The following ST3GAL2 variants were observed in gnomAD, a reference collection of about 807,000 sequenced individuals.
The protein encoded by ST3GAL2 is CMP-N-acetylneuraminate-beta-galactosamide-alpha-2,3-sialyltransferase 2.
A neutral mutation model predicts 37.5 loss-of-function variants in ST3GAL2; 16 were observed. The observed-to-expected ratio is 0.43, with a 90% CI of 0.29 to 0.65. The LOEUF is 0.65. Among genes scored for constraint, ST3GAL2 ranks in the 30% least tolerant of loss-of-function variants. The pLI is 0.17. For missense variants in ST3GAL2, 383 were observed against 487.8 expected (o/e 0.79, Z 2.02); for synonymous variants, 238 against 202.9 (o/e 1.17, Z -1.47).
intron 1 of ST3GAL2, among the ~76,000 whole-genome samples, chr16:70,407,161 T>A (rs898004139): frequency 4.6e-5 from 7 of 151,378 alleles, no homozygotes; most frequent in Non-Finnish European, 7.4e-5. Context: ...TTTTTTTTTT[T>A]ATGGAGTCTC....
chr16:70,389,569 A>G (rs966930994), intron 3 of ST3GAL2, among the ~76,000 whole-genome samples: 1 of 151,828 alleles, frequency 6.6e-6, no homozygotes, highest in Non-Finnish European at 1.5e-5. Flanking sequence ...GGTTCAAGGG[A>G]TTCTCCTGCC....
intron 1 of ST3GAL2, among the ~76,000 whole-genome samples, chr16:70,417,491 C>G (rs932039107): frequency 6.6e-6 from 1 of 152,274 alleles, no homozygotes; most frequent in African/African-American, 2.4e-5. Context: ...CCCCAGCCCC[C>G]ACTTTAGCAC....
intron 4 of ST3GAL2, among the ~76,000 whole-genome samples, chr16:70,384,182 T>C (rs572576320): frequency 1.3e-5 from 2 of 152,266 alleles, no homozygotes; most frequent in South Asian, 4.1e-4. Context: ...ATAAAATACA[T>C]GGTGATGATA....
chr16:70,394,245 C>T (rs955077399), intron 3 of ST3GAL2, among the ~76,000 whole-genome samples: 1 of 152,192 alleles, frequency 6.6e-6, no homozygotes, highest in Non-Finnish European at 1.5e-5. Context: ...CCTTTCAGCA[C>T]CCACAACATC....
chr16:70,387,560 AAAAT>A (rs1567666012), intron 4 of ST3GAL2, among the ~76,000 whole-genome samples: 1 of 152,186 alleles, frequency 6.6e-6, no homozygotes, highest in Non-Finnish European at 1.5e-5. Context: ...ATCTCAAAAA[AAAAT>A]AAAATTAAAA....
chr16:70,417,447 G>A (rs778742590), intron 1 of ST3GAL2, among the ~76,000 whole-genome samples: 35 of 152,160 alleles, frequency 2.3e-4, no homozygotes, highest in Admixed American at 7.9e-4. Context: ...AGGACGGTGC[G>A]CGTCCATCCT....
rs1475890363 is a variant in ST3GAL2 at position 70,380,280 on chromosome 16, C to T, written c.*1409G>A. ...CCCCTAACAAAGTCCCCTGCCGGTC[C>T]CTGTTCCCTCAGCCAGCTGCAGGAA... On this transcript the variant is annotated 3_prime_UTR_variant, in exon 7 of 7. Transcript: ENST00000342907. The T allele has an allele frequency of 6.6e-6, 1 of 152,280 alleles. No individual in the cohort carries two copies. Among genetic ancestry groups the T allele is most frequent in the East Asian group, 1.9e-4 (1 of 5,198 alleles). The allele number at this position is 152,280 out of a possible 1,614,324, so 9.4% of individuals were successfully genotyped here. A position where few individuals can be genotyped will look rare whatever the true frequency, so the allele number is the denominator to read the frequency against.
intron 4 of ST3GAL2, 29 bp from the exon 5 acceptor site, chr16:70,383,264 T>C (rs2047418677): frequency 1.9e-6 from 3 of 1,593,274 alleles, no homozygotes; most frequent in African/African-American, 2.7e-5. Flanking sequence ...AAAGATAACA[T>C]TTCAGGCTGG....
rs1322968669 is a variant in ST3GAL2 at position 70,381,578 on chromosome 16, G to A, written c.*111C>T. On this transcript the variant is annotated 3_prime_UTR_variant, in exon 7 of 7. Transcript: ENST00000342907. The stretch of plus-strand genomic sequence containing the variant: ...CCAGTCTCGTGATTGGCGGGGCACA[G>A]CAGACGCCCCTGGGCTGCAGCATGA... 8.3e-6 allele frequency: 11 copies of A among 1,331,472 alleles called. No homozygotes were observed. Among genetic ancestry groups the A allele is most frequent in the Admixed American group, 4.9e-5 (2 of 40,546 alleles). 82.5% of individuals were successfully genotyped at this position (1,331,472 alleles called of 1,614,324 possible). A position where few individuals can be genotyped will look rare whatever the true frequency, so the allele number is the denominator to read the frequency against.
chr16:70,413,168 T>G (rs2047650865), intron 1 of ST3GAL2, among the ~76,000 whole-genome samples: 1 of 151,912 alleles, frequency 6.6e-6, no homozygotes, highest in African/African-American at 2.4e-5. Flanking sequence ...GAGACTCACT[T>G]GAACCTGGAA....
rs59060353 is a variant in ST3GAL2 at position 70,408,890 on chromosome 16, C to CAAAAAAAAAAAAAAAAA, written c.-1003-9374_-1003-9358dup. On this transcript the variant is annotated intron_variant, in intron 1 of 6. Coordinates refer to ENST00000342907, the MANE Select transcript of ST3GAL2 (RefSeq NM_006927.4). ...TCCTGTAGGAGACAGCTCAAAGAAA[C>CAAAAAAAAAAAAAAAAA]AAAAAAAAAAAAAAAAAAAAAAAAA... Among the ~76,000 whole-genome samples the CAAAAAAAAAAAAAAAAA allele has an allele frequency of 3.2e-3, 193 of 59,864 alleles. 26 individuals are homozygous for CAAAAAAAAAAAAAAAAA. Among genetic ancestry groups the CAAAAAAAAAAAAAAAAA allele is most frequent in the Non-Finnish European group, 4.5e-3 (126 of 28,192 alleles). The allele number at this position is 59,864 out of a possible 152,430, so 39.3% of individuals were successfully genotyped here. A position where few individuals can be genotyped will look rare whatever the true frequency, so the allele number is the denominator to read the frequency against.
chr16:70,403,943 C>T (rs1006007796), intron 1 of ST3GAL2, among the ~76,000 whole-genome samples: 3 of 151,940 alleles, frequency 2.0e-5, no homozygotes, highest in Non-Finnish European at 2.9e-5. Context: ...TGCAGTGAGC[C>T]GTGATCATGC....
chr16:70,419,474 C>T (rs1198082565), intron 1 of ST3GAL2, among the ~76,000 whole-genome samples: 1 of 152,214 alleles, frequency 6.6e-6, no homozygotes, highest in Admixed American at 6.5e-5. Flanking sequence ...GCAAGACAGT[C>T]TGTGGAGTCA....
At chr16:70,392,644 G>A (rs1198083209) in intron 3 of ST3GAL2, among the ~76,000 whole-genome samples, 1 of 152,206 alleles carries the variant, frequency 6.6e-6, no homozygotes. Flanking sequence ...GGAGGAGTGA[G>A]TGGCAGCGAG....
At chr16:70,431,157 C>T (rs906878423) in intron 1 of ST3GAL2, among the ~76,000 whole-genome samples, 7 of 152,064 alleles carry the variant, frequency 4.6e-5, no homozygotes, top group East Asian at 3.9e-4. Context: ...AATCTCCTGA[C>T]GTGTGCCTCT....
intron 2 of ST3GAL2, among the ~76,000 whole-genome samples, chr16:70,396,465 C>T (rs111964389): frequency 1.3e-5 from 2 of 151,992 alleles, no homozygotes; most frequent in African/African-American, 4.8e-5. Context: ...ATTAGCCAGG[C>T]GTGGTGGCAC....
chr16:70,424,554 T>C (rs1289435080), intron 1 of ST3GAL2, among the ~76,000 whole-genome samples: 4 of 150,612 alleles, frequency 2.7e-5, no homozygotes, highest in African/African-American at 9.7e-5. Flanking sequence ...TGAGCCGAGA[T>C]TGTGCCATGG....
intron 1 of ST3GAL2, among the ~76,000 whole-genome samples, chr16:70,421,279 G>A (rs1322953852): frequency 6.6e-6 from 1 of 152,232 alleles, no homozygotes; most frequent in Non-Finnish European, 1.5e-5. Context: ...TCTGGAAAGT[G>A]GCAATATCGC....
At position 70,382,051 on chromosome 16, in the gene ST3GAL2, C is replaced by CT. The variant is rs11320527; in HGVS notation, c.880-190dup. Among the ~76,000 whole-genome samples, 1,124 of 129,286 alleles carry CT rather than the reference C, an allele frequency of 8.7e-3. 15 individuals are homozygous for CT. Among genetic ancestry groups the CT allele is most frequent in the East Asian group, 0.039 (181 of 4,628 alleles). 84.8% of individuals were successfully genotyped at this position (129,286 alleles called of 152,430 possible). A position where few individuals can be genotyped will look rare whatever the true frequency, so the allele number is the denominator to read the frequency against. ...CCTTTGCAGCCCTTGCAAATTCCTCCTTTTTTTTTTTTTTTTTTTTAATGG... is the reference window on the plus strand; with the variant it reads ...CCTTTGCAGCCCTTGCAAATTCCTCCTTTTTTTTTTTTTTTTTTTTTAATGG... On this transcript the variant is annotated intron_variant, in intron 6 of 6. Coordinates refer to ENST00000342907, the MANE Select transcript of ST3GAL2 (RefSeq NM_006927.4).
Sources: allele counts gnomAD v4.1 joint callset (sites outside exome capture counted in the v4.1 genomes callset), GRCh38; gene constraint gnomAD v4.1.1; transcripts MANE v1.5; gene names NCBI Gene and HGNC (gene_info 2026-07-23, HGNC 2026-07-21).